SUGCT: variants seen among roughly 807,000 people sequenced by gnomAD.
The protein encoded by SUGCT is succinyl-CoA:glutarate-CoA transferase.
SUGCT carries 41 observed loss-of-function variants against 55.0 expected under a neutral mutation model. The ratio of observed to expected loss-of-function variants is 0.74; its 90% confidence interval spans 0.58 to 0.97. The LOEUF is 0.97. Among genes scored for constraint, SUGCT ranks in the 50% least tolerant of loss-of-function variants. The pLI is 0.00. For missense variants in SUGCT, 568 were observed against 547.8 expected (o/e 1.04, Z -0.37); for synonymous variants, 187 against 200.4 (o/e 0.93, Z 0.56).
intron 12 of SUGCT, among the ~76,000 whole-genome samples, chr7:40,540,567 C>A (rs1406548895): frequency 6.6e-6 from 1 of 152,226 alleles, no homozygotes; most frequent in African/African-American, 2.4e-5. Context: ...CCTGCACTGG[C>A]TGCTAGGTAA....
At chr7:40,840,389 A>G (rs1045554544) in intron 13 of SUGCT, among the ~76,000 whole-genome samples, 5 of 152,130 alleles carry the variant, frequency 3.3e-5, no homozygotes, top group Admixed American at 6.5e-5. Flanking sequence ...CAAGAAATCA[A>G]TAACTGCAAG....
chr7:40,622,425 C>A (rs955698499), intron 12 of SUGCT, among the ~76,000 whole-genome samples: 3 of 151,726 alleles, frequency 2.0e-5, no homozygotes, highest in African/African-American at 7.3e-5. Context: ...AAAACAGTTA[C>A]AAACCCAAGG....
rs185330756 is a variant in SUGCT, at chr7:40,743,307, C to T, written c.1090-6127C>T. Among the ~76,000 whole-genome samples, 469 of 152,168 alleles carry T rather than the reference C, an allele frequency of 3.1e-3. 8 individuals carry two copies. Among genetic ancestry groups the T allele is most frequent in the South Asian group, 1.9e-3 (9 of 4,816 alleles). On this transcript the variant is annotated intron_variant, in intron 12 of 13. Transcript: ENST00000335693. The stretch of plus-strand genomic sequence containing the variant: ...GAGAACTCTAGGCATTCATTAAAAG[C>T]TTAAAATAAGAGCACTCTCCCCCAA...
chr7:40,223,400 A>G (rs144289208), intron 6 of SUGCT, among the ~76,000 whole-genome samples: 93 of 152,304 alleles, frequency 6.1e-4, no homozygotes, highest in Middle Eastern at 3.4e-3. Context: ...TCAACTGTTT[A>G]TCCAAGAAGC....
At chr7:40,783,020 A>G (rs1161862453) in intron 13 of SUGCT, among the ~76,000 whole-genome samples, 1 of 152,142 alleles carries the variant, frequency 6.6e-6, no homozygotes, top group South Asian at 2.1e-4. Context: ...TGCTGTGGTT[A>G]TGATCTGGTG....
chr7:40,399,901 T>C (rs776816968), intron 9 of SUGCT, among the ~76,000 whole-genome samples: 7 of 152,080 alleles, frequency 4.6e-5, no homozygotes, highest in Middle Eastern at 3.2e-3. Flanking sequence ...ATACAAAAAT[T>C]AGCTGGGTGT....
intron 12 of SUGCT, among the ~76,000 whole-genome samples, chr7:40,642,394 T>A (rs139887438): frequency 1.3e-5 from 2 of 152,236 alleles, no homozygotes; most frequent in Non-Finnish European, 2.9e-5. Flanking sequence ...GTTGGTGGTC[T>A]CAGCAGTCTC....
At chr7:40,473,999 G>A (rs2151475733) in intron 11 of SUGCT, among the ~76,000 whole-genome samples, 1 of 151,782 alleles carries the variant, frequency 6.6e-6, no homozygotes, top group Middle Eastern at 3.4e-3. Flanking sequence ...ATTATGTTTG[G>A]TAGGCCACCT....
chr7:40,605,919 G>T (rs2151761850), intron 12 of SUGCT, among the ~76,000 whole-genome samples: 1 of 152,310 alleles, frequency 6.6e-6, no homozygotes, highest in East Asian at 1.9e-4. Context: ...GTGGAGCTTG[G>T]TGAGAGGTGG....
intron 9 of SUGCT, among the ~76,000 whole-genome samples, chr7:40,323,601 C>T (rs1400635637): frequency 6.6e-6 from 1 of 152,096 alleles, no homozygotes; most frequent in Non-Finnish European, 1.5e-5. Context: ...TCATCTTGCC[C>T]AGGCTGGTCT....
At chr7:40,645,052 C>T (rs1562922473) in intron 12 of SUGCT, among the ~76,000 whole-genome samples, 1 of 152,202 alleles carries the variant, frequency 6.6e-6, no homozygotes, top group African/African-American at 2.4e-5. Context: ...GAGTCAACAT[C>T]GCTCTGTAGA....
chr7:40,770,143 A>G (rs1267227424), intron 13 of SUGCT, among the ~76,000 whole-genome samples: 1 of 152,026 alleles, frequency 6.6e-6, no homozygotes, highest in Admixed American at 6.6e-5. Flanking sequence ...TGAAAACACC[A>G]TGCTGTTTTG....
intron 8 of SUGCT, among the ~76,000 whole-genome samples, chr7:40,308,387 T>C (rs1400889114): frequency 6.6e-6 from 1 of 152,158 alleles, no homozygotes; most frequent in East Asian, 1.9e-4. Context: ...CTTAATCTCC[T>C]TGGTCTTTAG....
At chr7:40,168,238 G>A (rs948677657) in intron 1 of SUGCT, among the ~76,000 whole-genome samples, 5 of 152,126 alleles carry the variant, frequency 3.3e-5, no homozygotes, top group Admixed American at 3.3e-4. Context: ...CCCCCAACAG[G>A]AAAACCCAAG....
At chr7:40,557,739 CTCTAG>C (rs890816209) in intron 12 of SUGCT, among the ~76,000 whole-genome samples, 2 of 148,348 alleles carry the variant, frequency 1.3e-5, no homozygotes, top group African/African-American at 5.0e-5. Flanking sequence ...TGCCACTGCA[CTCTAG>C]TCTAGGTGAC....
chr7:40,266,007 G>C (rs2150974464), intron 7 of SUGCT, among the ~76,000 whole-genome samples: 1 of 151,948 alleles, frequency 6.6e-6, no homozygotes, highest in Middle Eastern at 3.4e-3. Flanking sequence ...CACAGGTAGT[G>C]GTGTGGTTTT....
chr7:40,644,388 T>C (rs1019537878), intron 12 of SUGCT, among the ~76,000 whole-genome samples: 1 of 152,226 alleles, frequency 6.6e-6, no homozygotes, highest in African/African-American at 2.4e-5. Flanking sequence ...CACTGCTTTC[T>C]GGATTATGGA....
intron 9 of SUGCT, among the ~76,000 whole-genome samples, chr7:40,393,734 A>T (rs368401375): frequency 6.6e-6 from 1 of 152,102 alleles, no homozygotes; most frequent in Non-Finnish European, 1.5e-5. Context: ...GGGTCTACAG[A>T]CCCATTTCTT....
chr7:40,863,075 C>T (rs2128811018), downstream of SUGCT, among the ~76,000 whole-genome samples: 1 of 152,216 alleles, frequency 6.6e-6, no homozygotes, highest in East Asian at 1.9e-4. Context: ...CCCGTCTCTA[C>T]TAAAAATACA....
Sources: allele counts gnomAD v4.1 joint callset (sites outside exome capture counted in the v4.1 genomes callset), GRCh38; gene constraint gnomAD v4.1.1; transcripts MANE v1.5; gene names NCBI Gene and HGNC (gene_info 2026-07-23, HGNC 2026-07-21).